The following CLMP variants were observed in gnomAD, a reference collection of about 807,000 sequenced individuals.
The protein encoded by CLMP is CXADR-like membrane protein.
A neutral mutation model predicts 45.2 loss-of-function variants in CLMP; 27 were observed. That is an observed-to-expected ratio of 0.60 (90% CI 0.44 to 0.82). The LOEUF (loss-of-function observed/expected upper bound fraction) is 0.82, where lower values mean the gene tolerates loss of function less well. Ranked by LOEUF, CLMP falls within the 40% of genes least tolerant of loss-of-function variation. The pLI, the probability that CLMP is intolerant of heterozygous loss-of-function variation, is 0.00. For missense variants in CLMP, 403 were observed against 448.4 expected (o/e 0.90, Z 0.91); for synonymous variants, 167 against 171.4 (o/e 0.97, Z 0.20).
intron 5 of CLMP, 98 bp downstream of exon 5, chr11:123,082,987 C>G: frequency 6.9e-7 from 1 of 1,448,904 alleles, no homozygotes; most frequent in African/African-American, 1.4e-5. Context: ...AGATTTTGAC[C>G]TTAACCTTAC....
At chr11:123,135,096 C>T (rs1480127778) in intron 1 of CLMP, among the ~76,000 whole-genome samples, 3 of 151,812 alleles carry the variant, frequency 2.0e-5, no homozygotes, top group African/African-American at 7.3e-5. Flanking sequence ...CCCGTCTCTA[C>T]TAAAAATACA....
intron 1 of CLMP, among the ~76,000 whole-genome samples, chr11:123,109,995 G>A (rs1216800103): frequency 6.6e-6 from 1 of 152,120 alleles, no homozygotes; most frequent in Non-Finnish European, 1.5e-5. Context: ...TATGAAGATG[G>A]AAGACCAAGG....
intron 1 of CLMP, among the ~76,000 whole-genome samples, chr11:123,175,716 A>G (rs575575085): frequency 6.6e-6 from 1 of 152,318 alleles, no homozygotes; most frequent in South Asian, 2.1e-4. Context: ...TTGGTTGACA[A>G]AGGCTGCAAG....
At chr11:123,165,030 G>A (rs1388896035) in intron 1 of CLMP, among the ~76,000 whole-genome samples, 1 of 152,168 alleles carries the variant, frequency 6.6e-6, no homozygotes, top group Non-Finnish European at 1.5e-5. Context: ...GTAAAAACGC[G>A]ATTTTGACAG....
intron 1 of CLMP, among the ~76,000 whole-genome samples, chr11:123,099,194 T>C (rs920528314): frequency 1.3e-5 from 2 of 152,208 alleles, no homozygotes; most frequent in African/African-American, 4.8e-5. Context: ...ATGATACTCA[T>C]GGAAACTGCA....
chr11:123,155,876 T>C (rs1861406508), intron 1 of CLMP, among the ~76,000 whole-genome samples: 1 of 152,134 alleles, frequency 6.6e-6, no homozygotes, highest in African/African-American at 2.4e-5. Context: ...CCAGGTACCA[T>C]GGCATGAGAA....
chr11:123,194,316 T>G (rs1234958896), intron 1 of CLMP, among the ~76,000 whole-genome samples: 1 of 152,190 alleles, frequency 6.6e-6, no homozygotes, highest in East Asian at 1.9e-4. Flanking sequence ...CCCCCAGCCT[T>G]GCTCTTCTGT....
intron 1 of CLMP, among the ~76,000 whole-genome samples, chr11:123,161,429 G>T (rs749771551): frequency 6.6e-6 from 1 of 152,056 alleles, no homozygotes; most frequent in African/African-American, 2.4e-5. Context: ...CACTTTAGGA[G>T]GCCAAGGTGA....
At chr11:123,122,499 C>T (rs1425932133) in intron 1 of CLMP, among the ~76,000 whole-genome samples, 1 of 152,158 alleles carries the variant, frequency 6.6e-6, no homozygotes, top group Non-Finnish European at 1.5e-5. Flanking sequence ...AACAGCTTGT[C>T]CGTGTACTCA....
In CLMP at chr11:123,195,161, C is replaced by T; in HGVS notation, c.-221G>A. The T allele has an allele frequency of 3.4e-6, 1 of 293,210 alleles. No homozygotes were observed. The highest frequency in any genetic ancestry group is 6.2e-6 in the Non-Finnish European group (1 of 160,618). 18.2% of individuals were successfully genotyped at this position (293,210 alleles called of 1,614,324 possible). A position where few individuals can be genotyped will look rare whatever the true frequency, so the allele number is the denominator to read the frequency against. ...CACCAGCTGGCGCCCGGACGGGAGCCGGGACCAGGGTCAGGGAGGAAAACG... is the reference window on the plus strand; with the variant it reads ...CACCAGCTGGCGCCCGGACGGGAGCTGGGACCAGGGTCAGGGAGGAAAACG... On this transcript the variant is annotated 5_prime_UTR_variant, in exon 1 of 7. Transcript: ENST00000448775.
chr11:123,098,701 A>AT (rs1156546713), intron 1 of CLMP, among the ~76,000 whole-genome samples: 3,546 of 112,608 alleles, frequency 0.031, 144 homozygotes, highest in East Asian at 0.19. Context: ...ATCCTGGCTA[A>AT]TTTTTTTTTT....
intron 1 of CLMP, among the ~76,000 whole-genome samples, chr11:123,105,823 G>GTT (rs71057331): frequency 6.6e-4 from 90 of 136,948 alleles, no homozygotes; most frequent in African/African-American, 1.6e-3. Context: ...TTTGTTTTTT[G>GTT]TTTTTTTTTT....
At chr11:123,098,113 C>G (rs1003845604) in intron 1 of CLMP, 161 bp from the exon 2 acceptor site, 19 of 462,482 alleles carry the variant, frequency 4.1e-5, no homozygotes, top group Admixed American at 1.3e-4. Flanking sequence ...TGGTCTCACA[C>G]TGGCTCCTCC....
chr11:123,135,588 A>T (rs1457305748), intron 1 of CLMP, among the ~76,000 whole-genome samples: 1 of 152,206 alleles, frequency 6.6e-6, no homozygotes. Context: ...TTTACATAAA[A>T]AGAGAATAAT....
At chr11:123,090,046 G>A (rs60236427) in intron 2 of CLMP, among the ~76,000 whole-genome samples, 6,777 of 148,876 alleles carry the variant, frequency 0.046, 475 homozygotes, top group East Asian at 0.37. Context: ...CCAAGATCAC[G>A]CCATTGCACT....
At position 123,073,649 on chromosome 11, in the gene CLMP, C is replaced by T. The variant is rs749210141; in HGVS notation, c.947G>A (p.Arg316Gln). The T allele has an allele frequency of 1.7e-5, 28 of 1,614,070 alleles. No homozygotes were observed. In the Admixed American group the frequency reaches 2.5e-4, roughly 14 times the overall value. ...GGGTGCTGCGTCAGTTGACAGTGTC[C>T]GCTGGCTGCGTGAGGCACTATTTGC... is the stretch of plus-strand genomic sequence containing the variant. ...STANSASRSQ[R>Q]TLSTDAAPQP... Residue 316 changes from arginine (R) to glutamine (Q), a missense_variant, in exon 7 of 7, where the codon CGG becomes CAG. Physicochemically the swap from Arg to Gln is conservative, Grantham distance 43. Transcript: ENST00000448775.
intron 1 of CLMP, among the ~76,000 whole-genome samples, chr11:123,126,614 T>C (rs983292374): frequency 5.9e-5 from 9 of 152,122 alleles, no homozygotes; most frequent in Non-Finnish European, 1.3e-4. Flanking sequence ...AAAACAGAAC[T>C]AGGCTGGGTG....
intron 5 of CLMP, among the ~76,000 whole-genome samples, chr11:123,082,377 C>T (rs1040087572): frequency 1.3e-5 from 2 of 152,130 alleles, no homozygotes; most frequent in Admixed American, 6.5e-5. Context: ...GGCACCATCT[C>T]GGCTCACTGC....
At chr11:123,108,647 T>G (rs1860593596) in intron 1 of CLMP, among the ~76,000 whole-genome samples, 2 of 149,964 alleles carry the variant, frequency 1.3e-5, no homozygotes, top group Admixed American at 6.7e-5. Flanking sequence ...AAGTGGGGGA[T>G]GGGAGAAGGA....
Sources: allele counts gnomAD v4.1 joint callset (sites outside exome capture counted in the v4.1 genomes callset), GRCh38; gene constraint gnomAD v4.1.1; transcripts MANE v1.5; gene names NCBI Gene and HGNC (gene_info 2026-07-23, HGNC 2026-07-21).